Variants in MACROD2 observed in about 807,000 individuals in gnomAD.
MACROD2 encodes the protein ADP-ribose glycohydrolase MACROD2.
A neutral mutation model predicts 70.4 loss-of-function variants in MACROD2; 36 were observed. The ratio of observed to expected loss-of-function variants is 0.51; its 90% CI spans 0.39 to 0.68. MACROD2 has a LOEUF of 0.68. MACROD2 is among the 30% of genes least tolerant of loss of function. The pLI is 0.00. For synonymous variants in MACROD2, 172 were observed against 178.8 expected (o/e 0.96, Z 0.30); for missense variants, 496 against 538.4 (o/e 0.92, Z 0.78).
chr20:15,832,631 T>C (rs2064068895), intron 8 of MACROD2, among the ~76,000 whole-genome samples: 1 of 152,222 alleles, frequency 6.6e-6, no homozygotes, highest in South Asian at 2.1e-4. Context: ...CTGTCAGTTA[T>C]TCATGTTGTA....
chr20:14,570,064 T>G (rs2423824), intron 4 of MACROD2, among the ~76,000 whole-genome samples: 1 of 151,792 alleles, frequency 6.6e-6, no homozygotes, highest in Non-Finnish European at 1.5e-5. Context: ...CATCAACATG[T>G]GCAAGAATGT....
chr20:14,498,752 G>A (rs926594458), intron 4 of MACROD2, among the ~76,000 whole-genome samples: 2 of 152,210 alleles, frequency 1.3e-5, no homozygotes, highest in Non-Finnish European at 2.9e-5. Flanking sequence ...CTTTTTGAGT[G>A]TGTTTAAGAG....
At chr20:15,794,292 T>C (rs1306224138) in intron 8 of MACROD2, among the ~76,000 whole-genome samples, 2 of 152,228 alleles carry the variant, frequency 1.3e-5, no homozygotes, top group Non-Finnish European at 2.9e-5. Flanking sequence ...TTTCTTTTGT[T>C]AAGATTTATA....
chr20:14,766,351 G>A (rs1232569574), intron 5 of MACROD2, among the ~76,000 whole-genome samples: 2 of 152,024 alleles, frequency 1.3e-5, no homozygotes, highest in African/African-American at 2.4e-5. Flanking sequence ...TCTGGCACAC[G>A]GTTTTGACTA....
chr20:15,064,335 T>A (rs377334976), intron 5 of MACROD2, among the ~76,000 whole-genome samples: 1 of 152,074 alleles, frequency 6.6e-6, no homozygotes, highest in African/African-American at 2.4e-5. Context: ...CCAAGCCCAG[T>A]GGAACGTCAG....
At chr20:15,936,763 A>G (rs545505589) in intron 11 of MACROD2, among the ~76,000 whole-genome samples, 9 of 151,952 alleles carry the variant, frequency 5.9e-5, no homozygotes, top group African/African-American at 1.4e-4. Flanking sequence ...TACTGTTTGA[A>G]TGGGAGGGAG....
In MACROD2 at chr20:14,624,950, C is replaced by T. The variant is rs575484679; in HGVS notation, c.302-59893C>T. 5.1e-4 allele frequency among the ~76,000 whole-genome samples: 77 copies of T among 152,240 alleles called. No individual in the cohort carries two copies. The South Asian group carries it at 0.013, about 26-fold the overall frequency. On this transcript the variant is annotated intron_variant, in intron 4 of 17. Transcript: ENST00000684519. Reference sequence around the variant, plus strand: ...AAAGGTCAGAGGTTTGCACATTGCACCTTTTGTATGGTCCAAGTTAAGAAT... The same window carrying T: ...AAAGGTCAGAGGTTTGCACATTGCATCTTTTGTATGGTCCAAGTTAAGAAT...
chr20:15,477,099 G>GTTTTTTTTT lies in MACROD2; in HGVS notation c.572-22664_572-22656dup, dbSNP rs371999407. Among the ~76,000 whole-genome samples the GTTTTTTTTT allele has an allele frequency of 3.5e-5, 4 of 115,392 alleles. 1 individual carries two copies. The highest frequency in any genetic ancestry group is 6.8e-5 in the Non-Finnish European group (4 of 59,182). The allele number at this position is 115,392 out of a possible 152,430, so 75.7% of individuals were successfully genotyped here. A position where few individuals can be genotyped will look rare whatever the true frequency, so the allele number is the denominator to read the frequency against. On this transcript the variant is annotated intron_variant, in intron 7 of 17. Coordinates refer to ENST00000684519, the MANE Select transcript of MACROD2 (RefSeq NM_001351661.2). ...TTTCCATTCCTTTTCTCTATTTTTAGTTTTTTTTTTTTTTTTTTTGAGACA... is the reference window on the plus strand; with the variant it reads ...TTTCCATTCCTTTTCTCTATTTTTAGTTTTTTTTTTTTTTTTTTTTTTTTTTTTGAGACA...
chr20:14,156,777 T>A (rs2055109927), intron 3 of MACROD2, among the ~76,000 whole-genome samples: 2 of 152,228 alleles, frequency 1.3e-5, no homozygotes, highest in Non-Finnish European at 2.9e-5. Context: ...TTACTGGAGT[T>A]GGTGATTGCT....
At chr20:15,910,849 C>A (rs1457722235) in intron 10 of MACROD2, among the ~76,000 whole-genome samples, 6 of 152,184 alleles carry the variant, frequency 3.9e-5, no homozygotes, top group Admixed American at 1.3e-4. Flanking sequence ...CTGTTTTAAG[C>A]AAACTTGTAT....
At chr20:14,957,924 A>T (rs1471341466) in intron 5 of MACROD2, among the ~76,000 whole-genome samples, 1 of 151,756 alleles carries the variant, frequency 6.6e-6, no homozygotes, top group Non-Finnish European at 1.5e-5. Context: ...AATAGAAGTT[A>T]TATTGGCTCA....
chr20:15,869,168 G>A (rs1360675154), intron 9 of MACROD2, among the ~76,000 whole-genome samples: 8 of 132,962 alleles, frequency 6.0e-5, no homozygotes, highest in African/African-American at 1.4e-4. Flanking sequence ...TTTATATAAC[G>A]TATACACAAT....
intron 8 of MACROD2, among the ~76,000 whole-genome samples, chr20:15,723,539 T>C (rs1425870988): frequency 6.6e-6 from 1 of 152,212 alleles, no homozygotes; most frequent in East Asian, 1.9e-4. Flanking sequence ...AATCATACAG[T>C]AAGTAGCCTT....
At chr20:14,699,574 G>A (rs2071168262) in intron 5 of MACROD2, among the ~76,000 whole-genome samples, 1 of 152,054 alleles carries the variant, frequency 6.6e-6, no homozygotes, top group African/African-American at 2.4e-5. Flanking sequence ...TGATAGTCAG[G>A]GAGATAATAT....
At chr20:14,898,257 A>G (rs2073853896) in intron 5 of MACROD2, among the ~76,000 whole-genome samples, 1 of 152,158 alleles carries the variant, frequency 6.6e-6, no homozygotes, top group South Asian at 2.1e-4. Flanking sequence ...AAATTTCTAG[A>G]TAAGAGTCAG....
chr20:15,457,142 G>A (rs947389182), intron 7 of MACROD2, among the ~76,000 whole-genome samples: 38 of 146,574 alleles, frequency 2.6e-4, no homozygotes, highest in African/African-American at 9.4e-4. Context: ...AAATTATTAT[G>A]GTTGTCTTCT....
At chr20:14,150,938 C>T (rs2055011341) in intron 3 of MACROD2, among the ~76,000 whole-genome samples, 1 of 152,132 alleles carries the variant, frequency 6.6e-6, no homozygotes, top group South Asian at 2.1e-4. Context: ...GTCAACTTTT[C>T]AAAATAGCAA....
chr20:15,669,011 A>G (rs1318820912), intron 8 of MACROD2, among the ~76,000 whole-genome samples: 1 of 152,222 alleles, frequency 6.6e-6, no homozygotes, highest in Non-Finnish European at 1.5e-5. Context: ...AAACCCAAGA[A>G]CAGGAAAGAA....
chr20:14,580,216 G>A (rs1222635087), intron 4 of MACROD2, among the ~76,000 whole-genome samples: 1 of 152,160 alleles, frequency 6.6e-6, no homozygotes, highest in Non-Finnish European at 1.5e-5. Flanking sequence ...TATTGTATAT[G>A]GTGGCTGATG....
Sources: allele counts gnomAD v4.1 joint callset (sites outside exome capture counted in the v4.1 genomes callset), GRCh38; gene constraint gnomAD v4.1.1; transcripts MANE v1.5; gene names NCBI Gene and HGNC (gene_info 2026-07-23, HGNC 2026-07-21).